Variants in MUSK observed in about 807,000 individuals in gnomAD.
MUSK encodes the protein muscle, skeletal receptor tyrosine-protein kinase.
Under a neutral mutation model 88.7 loss-of-function variants are expected in MUSK, and 55 were observed. That is an observed-to-expected ratio of 0.62 (90% CI 0.50 to 0.78). The LOEUF is 0.78. MUSK is among the 30% of genes least tolerant of loss of function. MUSK has a pLI of 0.00. For synonymous variants in MUSK, 387 were observed against 391.9 expected (o/e 0.99, Z 0.15); for missense variants, 1,015 against 1,074.3 (o/e 0.94, Z 0.77).
Position 110,803,714 on chromosome 9 carries a change from T to C in MUSK, c.*2726T>C, listed in dbSNP as rs1038067606. ...GGTGACATGTTTATTTTTTCATGAGTTCTAATTACATTTTCAAGTTAAGAT... is the reference window on the plus strand; with the variant it reads ...GGTGACATGTTTATTTTTTCATGAGCTCTAATTACATTTTCAAGTTAAGAT... On this transcript the variant is annotated 3_prime_UTR_variant, in exon 15 of 15. Coordinates refer to ENST00000374448, the MANE Select transcript of MUSK (RefSeq NM_005592.4). 6.6e-6 allele frequency among the ~76,000 whole-genome samples: 1 copy of C among 152,180 alleles called. No individual in the cohort carries two copies. The highest frequency in any genetic ancestry group is 1.5e-5 in the Non-Finnish European group (1 of 68,032).
chr9:110,700,212 C>T (rs1208715127), intron 5 of MUSK, among the ~76,000 whole-genome samples: 1 of 152,140 alleles, frequency 6.6e-6, no homozygotes, highest in African/African-American at 2.4e-5. Context: ...TCCATTGAGG[C>T]TAAATGTTTT....
rs1209837019 is a variant in MUSK at position 110,689,209 on chromosome 9, T to TTATATAA, written c.358+1956_358+1962dup. Among the ~76,000 whole-genome samples, 9 of 101,320 alleles carry TTATATAA rather than the reference T, an allele frequency of 8.9e-5. No homozygotes were observed. The East Asian group carries it at 2.0e-3, about 22-fold the overall frequency. The allele number at this position is 101,320 out of a possible 152,430, so 66.5% of individuals were successfully genotyped here. ...AATATATCATATATATATTCATATT[T>TTATATAA]TATATAATATATAATATATAAATAT... On this transcript the variant is annotated intron_variant, in intron 3 of 14. Coordinates refer to ENST00000374448, the MANE Select transcript of MUSK (RefSeq NM_005592.4).
At chr9:110,782,705 T>TACC (rs2077781217) in intron 11 of MUSK, among the ~76,000 whole-genome samples, 1 of 152,142 alleles carries the variant, frequency 6.6e-6, no homozygotes, top group Non-Finnish European at 1.5e-5. Context: ...AGCCACCCCC[T>TACC]ACCACCACCA....
At chr9:110,772,968 G>A (rs116389855) in intron 9 of MUSK, among the ~76,000 whole-genome samples, 257 of 151,974 alleles carry the variant, frequency 1.7e-3, no homozygotes, top group Middle Eastern at 6.8e-3. Context: ...TTATTAGGTT[G>A]GTACAAAAGT....
chr9:110,695,366 A>G (rs2076417969), intron 3 of MUSK, 37 bp from the exon 4 acceptor site: 3 of 1,376,334 alleles, frequency 2.2e-6, no homozygotes, highest in Non-Finnish European at 2.0e-6. Flanking sequence ...ATAAAGCCAT[A>G]TTGCCTTATT....
intron 5 of MUSK, among the ~76,000 whole-genome samples, chr9:110,726,089 T>A (rs1042079172): frequency 1.3e-5 from 2 of 152,070 alleles, no homozygotes; most frequent in Non-Finnish European, 2.9e-5. Context: ...TGCATGCATG[T>A]AAATGTGTGT....
intron 14 of MUSK, among the ~76,000 whole-genome samples, chr9:110,789,771 T>G (rs1319102813): frequency 2.0e-5 from 3 of 151,532 alleles, no homozygotes; most frequent in Non-Finnish European, 1.5e-5. Flanking sequence ...AGAGTGAGAC[T>G]CCATCTGGGA....
chr9:110,678,666 C>G (rs1028513851), intron 1 of MUSK, among the ~76,000 whole-genome samples: 4 of 152,062 alleles, frequency 2.6e-5, no homozygotes, highest in African/African-American at 9.6e-5. Flanking sequence ...TTTAAATATT[C>G]ATTACTGTTT....
intron 7 of MUSK, among the ~76,000 whole-genome samples, chr9:110,761,593 T>TTG (rs1564273400): frequency 1.5e-5 from 2 of 135,112 alleles, no homozygotes; most frequent in South Asian, 2.8e-4. Context: ...TTTTTTTTTT[T>TTG]GAGACGGAGT....
chr9:110,697,232 A>G, intron 4 of MUSK, 93 bp from the exon 5 acceptor site: 1 of 1,321,220 alleles, frequency 7.6e-7, no homozygotes, highest in East Asian at 2.3e-5. Flanking sequence ...TTTGATGATG[A>G]TAATAGTGAT....
At chr9:110,704,310 A>G (rs1403543006) in intron 5 of MUSK, among the ~76,000 whole-genome samples, 3 of 152,166 alleles carry the variant, frequency 2.0e-5, no homozygotes, top group East Asian at 1.9e-4. Flanking sequence ...AATGAGATGG[A>G]TTTATATACA....
intron 11 of MUSK, among the ~76,000 whole-genome samples, chr9:110,783,124 T>C (rs527458840): frequency 1.3e-5 from 2 of 152,360 alleles, no homozygotes; most frequent in Admixed American, 1.3e-4. Context: ...CTTTGTAATA[T>C]GTTATATTAA....
At chr9:110,669,619 C>T (rs1003106449) in intron 1 of MUSK, among the ~76,000 whole-genome samples, 1 of 152,018 alleles carries the variant, frequency 6.6e-6, no homozygotes, top group African/African-American at 2.4e-5. Context: ...GGAAATAACA[C>T]CACCTCAGGG....
At chr9:110,797,966 C>T (rs1156868429) in intron 14 of MUSK, among the ~76,000 whole-genome samples, 3 of 152,188 alleles carry the variant, frequency 2.0e-5, no homozygotes, top group African/African-American at 7.2e-5. Flanking sequence ...CAGTAGCATG[C>T]TTATACATCA....
At chr9:110,764,148 C>A (rs543036136) in intron 8 of MUSK, among the ~76,000 whole-genome samples, 1 of 152,114 alleles carries the variant, frequency 6.6e-6, no homozygotes, top group African/African-American at 2.4e-5. Flanking sequence ...CTGATGATTC[C>A]GAAATAACCA....
intron 10 of MUSK, among the ~76,000 whole-genome samples, chr9:110,776,171 A>G (rs1163982236): frequency 6.6e-6 from 1 of 152,216 alleles, no homozygotes; most frequent in Non-Finnish European, 1.5e-5. Context: ...TTTGCTCTAA[A>G]ATAAATGAAA....
intron 9 of MUSK, among the ~76,000 whole-genome samples, chr9:110,771,890 T>G (rs1040617254): frequency 2.0e-5 from 3 of 152,160 alleles, no homozygotes; most frequent in Non-Finnish European, 4.4e-5. Flanking sequence ...TTGAGAGGAA[T>G]CAAGTCTCAT....
chr9:110,693,192 T>C (rs2076380692), intron 3 of MUSK, among the ~76,000 whole-genome samples: 1 of 152,204 alleles, frequency 6.6e-6, no homozygotes, highest in Non-Finnish European at 1.5e-5. Flanking sequence ...ACTACCTTTC[T>C]TTTGAATATT....
intron 7 of MUSK, among the ~76,000 whole-genome samples, chr9:110,750,047 A>G (rs1587989151): frequency 6.7e-6 from 1 of 148,602 alleles, no homozygotes; most frequent in Non-Finnish European, 1.5e-5. Context: ...TTTATATAAC[A>G]TATATGTATG....
Sources: gnomAD v4.1 joint callset for allele counts (sites outside exome capture counted in the v4.1 genomes callset) on GRCh38, gnomAD v4.1.1 for gene constraint, MANE v1.5 for transcripts, NCBI Gene and HGNC (gene_info 2026-07-23, HGNC 2026-07-21) for gene names.